The following ZNF37A variants were observed in gnomAD, a reference collection of about 807,000 sequenced individuals.
The protein encoded by ZNF37A is zinc finger protein 37A.
A neutral mutation model predicts 12.3 loss-of-function variants in ZNF37A; 10 were observed. The observed-to-expected ratio is 0.82, with a 90% confidence interval of 0.50 to 1.38. The LOEUF is 1.38. Ranked by LOEUF, ZNF37A falls within the 40% of genes most tolerant of loss-of-function variation. ZNF37A has a pLI of 0.00. For missense variants in ZNF37A, 580 were observed against 651.2 expected, an observed-to-expected ratio of 0.89 and a Z score of 1.19; for synonymous variants, 207 against 223.0, an observed-to-expected ratio of 0.93 and a Z score of 0.64.
chr10:38,117,309 C>T, intron 7 of ZNF37A, 81 bp from the exon 8 acceptor site: 1 of 1,513,970 alleles, frequency 6.6e-7, no homozygotes, highest in Non-Finnish European at 8.8e-7. Context: ...CTAAACTGAG[C>T]CATGCCTTCA....
Position 38,118,374 on chromosome 10 carries a change from A to G in ZNF37A, c.1223A>G (p.Glu408Gly). 6.2e-7 allele frequency: 1 copy of G among 1,613,878 alleles called. No homozygotes were observed. The highest frequency in any genetic ancestry group is 1.1e-5 in the South Asian group (1 of 91,074). ...LIKHQRIHTG[E>G]KPYECNECGK... ...AAACATCAAAGAATACACACAGGTG[A>G]AAAACCTTATGAATGTAATGAATGT... The change falls in exon 8 of 8, where the codon GAA becomes GGA. Residue 408 changes from glutamate (E) to glycine (G), a missense_variant. Transcript: ENST00000685332.
At chr10:38,138,143 G>T (rs966339107) in intron 7 of ZNF37A, 1 of 152,214 alleles carries the variant, frequency 6.6e-6, no homozygotes, top group African/African-American at 2.4e-5. Flanking sequence ...TTTGCAGAGT[G>T]ACTATAATTG....
rs1473756292 is a variant in ZNF37A at position 38,096,616 on chromosome 10, A to G, written c.-2A>G. The G allele has an allele frequency of 6.2e-7, 1 of 1,612,810 alleles. No individual in the cohort carries two copies. Among genetic ancestry groups the G allele is most frequent in the Non-Finnish European group, 8.5e-7 (1 of 1,179,564 alleles). On this transcript the variant is annotated 5_prime_UTR_variant, in exon 5 of 8. Coordinates refer to ENST00000685332, the MANE Select transcript of ZNF37A (RefSeq NM_001324250.3). ...GCTCTGCTCTTCCAACACCAGTGGAAGATGATCACATCCCAGGTAAGTTGT... is the reference window on the plus strand; with the variant it reads ...GCTCTGCTCTTCCAACACCAGTGGAGGATGATCACATCCCAGGTAAGTTGT...
chr10:38,098,603 A>T (rs2067329347), intron 5 of ZNF37A, among the ~76,000 whole-genome samples: 1 of 152,096 alleles, frequency 6.6e-6, no homozygotes. Context: ...TCCTTCATTA[A>T]TGTTTTGTAG....
rs2069811158 is a variant in ZNF37A, at chr10:38,123,137, G to C, written c.*4300G>C. 6.6e-6 allele frequency: 1 copy of C among 152,108 alleles called. No individual in the cohort carries two copies. Among genetic ancestry groups the C allele is most frequent in the Non-Finnish European group, 1.5e-5 (1 of 68,054 alleles). The allele number at this position is 152,108 out of a possible 1,614,324, so 9.4% of individuals were successfully genotyped here. On this transcript the variant is annotated 3_prime_UTR_variant, in exon 8 of 8. Coordinates refer to ENST00000685332, the MANE Select transcript of ZNF37A (RefSeq NM_001324250.3). ...ATGGCAGGTGCAGGGCAAAGAGAGG[G>C]GGGAAGGGAAGTGCCACACAACCAG...
intron 5 of ZNF37A, among the ~76,000 whole-genome samples, chr10:38,098,984 G>A (rs1300842619): frequency 2.0e-5 from 3 of 151,976 alleles, no homozygotes; most frequent in Middle Eastern, 3.2e-3. Context: ...AGTATTTTTT[G>A]CATATAAGAT....
chr10:38,117,915 A>C lies in ZNF37A; in HGVS notation c.764A>C (p.Lys255Thr). The change falls in exon 8 of 8, where the codon AAA (lysine) becomes ACA (threonine). Residue 255 changes from lysine (K) to threonine (T), a missense_variant. Coordinates refer to ENST00000685332, the MANE Select transcript of ZNF37A (RefSeq NM_001324250.3). ...GAGTGTGGAACATTTTTCAGTGAAA[A>C]ATTAGTCCTTCATTTACAACAGAGA... ...YNECGTFFSE[K>T]LVLHLQQRTH... The C allele has an allele frequency of 6.2e-7, 1 of 1,613,932 alleles. No homozygotes were observed. Among genetic ancestry groups the C allele is most frequent in the Non-Finnish European group, 8.5e-7 (1 of 1,179,998 alleles).
At chr10:38,138,754 G>A (rs1364927776) in intron 7 of ZNF37A, 1 of 152,114 alleles carries the variant, frequency 6.6e-6, no homozygotes, top group Non-Finnish European at 1.5e-5. Context: ...TCCCAGAATG[G>A]AAAATGATGA....
intron 5 of ZNF37A, among the ~76,000 whole-genome samples, chr10:38,104,836 A>G (rs1314133215): frequency 2.6e-5 from 4 of 152,120 alleles, no homozygotes; most frequent in African/African-American, 7.2e-5. Context: ...CTGTCTATAC[A>G]TATTTTTTAA....
intron 7 of ZNF37A, among the ~76,000 whole-genome samples, chr10:38,132,958 T>G (rs1192552434): frequency 6.6e-6 from 1 of 152,160 alleles, no homozygotes; most frequent in Non-Finnish European, 1.5e-5. Flanking sequence ...GGGTTTGTCA[T>G]TAGGTGCATA....
In ZNF37A at chr10:38,102,882, C is replaced by T. The variant is rs118076701; in HGVS notation, c.15+6250C>T. 3.6e-3 allele frequency among the ~76,000 whole-genome samples: 546 copies of T among 152,112 alleles called. 10 individuals carry two copies. The South Asian group carries it at 0.05, about 14-fold the overall frequency. ...TTTAAAGGTGCCATTATCTTACTGC[C>T]TCTGGCCTTCATGGTTTCTAATGAA... is the stretch of plus-strand genomic sequence containing the variant. On this transcript the variant is annotated intron_variant, in intron 5 of 7. Coordinates refer to ENST00000685332, the MANE Select transcript of ZNF37A (RefSeq NM_001324250.3).
intron 5 of ZNF37A, among the ~76,000 whole-genome samples, chr10:38,100,220 G>A (rs144992383): frequency 8.5e-5 from 13 of 152,290 alleles, no homozygotes; most frequent in African/African-American, 1.4e-4. Context: ...TGGAGGCAGC[G>A]TGAGATCACA....
intron 5 of ZNF37A, among the ~76,000 whole-genome samples, chr10:38,111,181 C>A (rs968479878): frequency 6.6e-6 from 1 of 152,124 alleles, no homozygotes; most frequent in Non-Finnish European, 1.5e-5. Flanking sequence ...ATGTCCTTTG[C>A]AGGGACATGG....
At chr10:38,102,647 G>A (rs2067693069) in intron 5 of ZNF37A, among the ~76,000 whole-genome samples, 2 of 152,084 alleles carry the variant, frequency 1.3e-5, no homozygotes, top group South Asian at 4.1e-4. Flanking sequence ...TTTATCATTT[G>A]AATTTTTTGT....
At position 38,117,493 on chromosome 10, in the gene ZNF37A, A is replaced by T; in HGVS notation, c.342A>T (p.Glu114Asp). ...AAAAGCATGAAATAATTCATTCTGA[A>T]GAGGAACCTTCTGAATATAATAAAA... The part of the protein sequence containing the change: ...CDEKHEIIHS[E>D]EEPSEYNKNG... Residue 114 changes from glutamate (E) to aspartate (D), a missense_variant, in exon 8 of 8, where the codon GAA becomes GAT. Glu to Asp is a conservative substitution (Grantham distance 45). Coordinates refer to ENST00000685332, the MANE Select transcript of ZNF37A (RefSeq NM_001324250.3). 1 of 1,613,108 alleles carries T rather than the reference A, an allele frequency of 6.2e-7. No homozygotes were observed. Among genetic ancestry groups the T allele is most frequent in the Non-Finnish European group, 8.5e-7 (1 of 1,179,736 alleles).
Position 38,099,432 on chromosome 10 carries a change from C to T in ZNF37A, c.15+2800C>T, listed in dbSNP as rs151222341. ...ACCTAGCATAATGTCCTCAAGCTTC[C>T]TCAGTGTTGTAGCATGTGTCAGAAT... On this transcript the variant is annotated intron_variant, in intron 5 of 7. Coordinates refer to ENST00000685332, the MANE Select transcript of ZNF37A (RefSeq NM_001324250.3). Among the ~76,000 whole-genome samples, 14 of 152,248 alleles carry T rather than the reference C, an allele frequency of 9.2e-5. No individual in the cohort carries two copies. In the East Asian group the frequency reaches 2.7e-3, roughly 29 times the overall value.
At chr10:38,097,751 A>G (rs1486500256) in intron 5 of ZNF37A, among the ~76,000 whole-genome samples, 1 of 152,098 alleles carries the variant, frequency 6.6e-6, no homozygotes, top group Non-Finnish European at 1.5e-5. Flanking sequence ...AATATTTGCA[A>G]TAACTTTCAA....
chr10:38,148,146 T>C (rs2070277580), exon 8 of ZNF37A: 1 of 151,742 alleles, frequency 6.6e-6, no homozygotes, highest in African/African-American at 2.4e-5. Context: ...TCTTCTGTTA[T>C]TGAACATCTG....
At chr10:38,134,152 T>TTC in intron 7 of ZNF37A, among the ~76,000 whole-genome samples, 1 of 152,324 alleles carries the variant, frequency 6.6e-6, no homozygotes, top group East Asian at 1.9e-4. Context: ...ATTTAAGGTC[T>TTC]TCTCTTTGCT....
Sources: gnomAD v4.1 joint callset for allele counts (sites outside exome capture counted in the v4.1 genomes callset) on GRCh38, gnomAD v4.1.1 for gene constraint, MANE v1.5 for transcripts, NCBI Gene and HGNC (gene_info 2026-07-23, HGNC 2026-07-21) for gene names.